Variants in ADGRV1 observed in about 807,000 individuals in gnomAD.
ADGRV1 encodes G-protein coupled receptor 98.
A neutral mutation model predicts 596.2 loss-of-function variants in ADGRV1; 359 were observed. The observed-to-expected ratio is 0.60, with a 90% CI of 0.55 to 0.66. The LOEUF (loss-of-function observed/expected upper bound fraction) is 0.66, where lower values mean the gene tolerates loss of function less well. Ranked by LOEUF, ADGRV1 falls within the 30% of genes least tolerant of loss-of-function variation. The probability of loss-of-function intolerance (pLI) is 0.00; values close to 1 mark genes in which losing one functional copy is unlikely to be tolerated. For synonymous variants in ADGRV1, 2,681 were observed against 2,679.2 expected, an observed-to-expected ratio of 1.00 and a Z score of -0.02; for missense variants, 7,274 against 7,575.6, an observed-to-expected ratio of 0.96 and a Z score of 1.48.
Position 91,164,312 on chromosome 5 carries a change from A to G in ADGRV1, c.*412A>G. On this transcript the variant is annotated 3_prime_UTR_variant, in exon 90 of 90. Transcript: ENST00000405460. Reference sequence around the variant, plus strand: ...TAGATGATGACAAGCACCCTGTGCCATCTTGCATGAATCCAGGTGATCCAG... The same window carrying G: ...TAGATGATGACAAGCACCCTGTGCCGTCTTGCATGAATCCAGGTGATCCAG... The G allele has an allele frequency of 7.5e-6, 2 of 266,916 alleles. No homozygotes were observed. The highest frequency in any genetic ancestry group is 1.8e-4 in the East Asian group (2 of 11,040). 16.5% of individuals were successfully genotyped at this position (266,916 alleles called of 1,614,324 possible).
chr5:90,683,929 G>C lies in ADGRV1; in HGVS notation c.6008G>C (p.Arg2003Thr). 1 of 1,613,704 alleles carries C rather than the reference G, an allele frequency of 6.2e-7. No homozygotes were observed. Residue 2003 changes from arginine to threonine, a missense_variant, in exon 28 of 90, where the codon AGG (arginine) becomes ACG (threonine). By Grantham distance (71) the Arg-to-Thr change is moderately conservative (BLOSUM62 -1). Coordinates refer to ENST00000405460, the MANE Select transcript of ADGRV1 (RefSeq NM_032119.4). ...ATQNITLSII[R>T]LKGLMGKVLV... is the part of the protein sequence containing the mutation. ...CAGAACATCACACTATCAATAATAA[G>C]GTTGAAAGGCCTCATGGGAAAAGTC... is the stretch of plus-strand genomic sequence containing the variant.
intron 72 of ADGRV1, among the ~76,000 whole-genome samples, chr5:90,807,149 C>G (rs1761984018): frequency 6.6e-6 from 1 of 152,192 alleles, no homozygotes; most frequent in South Asian, 2.1e-4. Flanking sequence ...CTGTGCCTGG[C>G]CTTGACTAGA....
chr5:91,072,201 A>C (rs1299715252), intron 85 of ADGRV1, among the ~76,000 whole-genome samples: 1 of 152,166 alleles, frequency 6.6e-6, no homozygotes, highest in Non-Finnish European at 1.5e-5. Flanking sequence ...TTTGGCCATA[A>C]GCTTTTTTGA....
intron 58 of ADGRV1, among the ~76,000 whole-genome samples, chr5:90,762,197 A>AT (rs1756585717): frequency 6.6e-6 from 1 of 152,056 alleles, no homozygotes; most frequent in Admixed American, 6.6e-5. Flanking sequence ...GATTTTCTCT[A>AT]TTTTTTTCTT....
In ADGRV1 at chr5:91,128,182, C is replaced by T. The variant is rs1017484299; in HGVS notation, c.18433-21848C>T. Among the ~76,000 whole-genome samples the T allele has an allele frequency of 1.4e-4, 21 of 151,506 alleles. 1 individual carries two copies. The highest frequency in any genetic ancestry group is 5.1e-4 in the African/African-American group (21 of 41,232). On this transcript the variant is annotated intron_variant, in intron 87 of 89. Coordinates refer to ENST00000405460, the MANE Select transcript of ADGRV1 (RefSeq NM_032119.4). ...CTTTCAAGGGAGCTTCTCTCTTGGG[C>T]CCCAATTACCCCTAGATTTATTGTC...
chr5:90,854,090 G>A lies in ADGRV1; in HGVS notation c.17483G>A (p.Ser5828Asn), dbSNP rs1766793451. ...TTATCTTTGAGTGTGAAAGGTCAGA[G>A]TTCACAACTCCTGACTAATGACAAT... Reference protein sequence around the residue: ...KVLSLSVKGQSSQLLTNDNEV... With the variant: ...KVLSLSVKGQNSQLLTNDNEV... The change falls in exon 81 of 90, where the codon AGT becomes AAT. Residue 5828 changes from serine to asparagine, a missense_variant. This residue lies in a region of ADGRV1 where 1,874 missense variants were observed against 1,970.2 expected (regional missense o/e 0.95). Transcript: ENST00000405460. 3 of 1,584,920 alleles carry A rather than the reference G, an allele frequency of 1.9e-6. No homozygotes were observed. Among genetic ancestry groups the A allele is most frequent in the Non-Finnish European group, 2.6e-6 (3 of 1,161,636 alleles).
chr5:90,929,042 A>T (rs1304262086), intron 83 of ADGRV1, among the ~76,000 whole-genome samples: 10 of 150,752 alleles, frequency 6.6e-5, no homozygotes, highest in East Asian at 2.0e-4. Flanking sequence ...CAAAGCTGTC[A>T]GACAGGGACA....
intron 6 of ADGRV1, among the ~76,000 whole-genome samples, chr5:90,626,774 A>C (rs1764819061): frequency 6.6e-6 from 1 of 152,250 alleles, no homozygotes; most frequent in African/African-American, 2.4e-5. Flanking sequence ...GAGAAAAGCA[A>C]GAATAATTCA....
intron 1 of ADGRV1, among the ~76,000 whole-genome samples, chr5:90,579,766 C>G (rs1444144172): frequency 6.6e-6 from 1 of 152,160 alleles, no homozygotes; most frequent in African/African-American, 2.4e-5. Flanking sequence ...TCTCTAAGGA[C>G]TTGCTTTATG....
At chr5:90,635,043 G>A in intron 9 of ADGRV1, 71 bp from the exon 10 acceptor site, 2 of 925,312 alleles carry the variant, frequency 2.2e-6, no homozygotes, top group Non-Finnish European at 1.7e-6. Context: ...GTCACCCCAT[G>A]CTGTTAAGCT....
At chr5:90,612,316 A>G (rs1339181619) in intron 1 of ADGRV1, among the ~76,000 whole-genome samples, 2 of 152,098 alleles carry the variant, frequency 1.3e-5, no homozygotes, top group Admixed American at 6.6e-5. Context: ...ATTCATAATT[A>G]TGCAATCTTA....
At position 90,757,227 on chromosome 5, in the gene ADGRV1, A is replaced by T. The variant is rs1755928579; in HGVS notation, c.11940+66A>T. 11 of 1,335,222 alleles carry T rather than the reference A, an allele frequency of 8.2e-6. No homozygotes were observed. The Admixed American group carries it at 1.8e-4, about 22-fold the overall frequency. The allele number at this position is 1,335,222 out of a possible 1,614,324, so 82.7% of individuals were successfully genotyped here. On this transcript the variant is annotated intron_variant, in intron 57 of 89. Transcript: ENST00000405460. ...TTCAGACATTTTGTAGGCATCCATC[A>T]AATGAATGTACATTGGTGATTGCTA... is the stretch of plus-strand genomic sequence containing the variant.
At chr5:90,616,674 G>A (rs570988639) in intron 2 of ADGRV1, among the ~76,000 whole-genome samples, 84 of 152,186 alleles carry the variant, frequency 5.5e-4, no homozygotes, top group African/African-American at 2.0e-3. Context: ...GGGAATTGGG[G>A]AATATCCCCA....
chr5:90,804,193 A>G (rs1761681141), intron 71 of ADGRV1, among the ~76,000 whole-genome samples: 1 of 152,172 alleles, frequency 6.6e-6, no homozygotes, highest in Admixed American at 6.5e-5. Context: ...CCCTGAGGTC[A>G]GGAGTTTGAG....
At chr5:90,996,239 G>T (rs941885634) in intron 85 of ADGRV1, among the ~76,000 whole-genome samples, 2 of 152,168 alleles carry the variant, frequency 1.3e-5, no homozygotes, top group Admixed American at 1.3e-4. Context: ...GGCCTGGGAG[G>T]GAAAAATGGT....
intron 1 of ADGRV1, among the ~76,000 whole-genome samples, chr5:90,577,529 A>G (rs551969457): frequency 6.6e-6 from 1 of 152,258 alleles, no homozygotes; most frequent in South Asian, 2.1e-4. Context: ...GCCTTGTAGT[A>G]TAGTTTGAAG....
At chr5:90,595,926 G>A (rs1341060538) in intron 1 of ADGRV1, among the ~76,000 whole-genome samples, 3 of 151,220 alleles carry the variant, frequency 2.0e-5, no homozygotes, top group Non-Finnish European at 4.4e-5. Context: ...GGTGGCTGCC[G>A]GGCGGAGACG....
intron 70 of ADGRV1, among the ~76,000 whole-genome samples, chr5:90,795,593 G>A (rs958920264): frequency 3.9e-5 from 6 of 152,164 alleles, no homozygotes; most frequent in Non-Finnish European, 7.3e-5. Context: ...AAACTTCCCT[G>A]CCTGACGGCT....
intron 1 of ADGRV1, among the ~76,000 whole-genome samples, chr5:90,563,699 G>A (rs1300716840): frequency 6.6e-6 from 1 of 152,190 alleles, no homozygotes; most frequent in Non-Finnish European, 1.5e-5. Flanking sequence ...AAAGAATTTT[G>A]TTGGGAATAG....
Sources: gnomAD v4.1 joint callset for allele counts (sites outside exome capture counted in the v4.1 genomes callset) on GRCh38, gnomAD v4.1.1 for gene constraint, gnomAD v4.1.1 regional missense constraint, MANE v1.5 for transcripts, NCBI Gene and HGNC (gene_info 2026-07-23, HGNC 2026-07-21) for gene names.